WDFY3: variants seen among roughly 807,000 people sequenced by gnomAD.
WDFY3 encodes WD repeat and FYVE domain-containing protein 3.
A neutral mutation model predicts 409.6 loss-of-function variants in WDFY3; 66 were observed. That is an observed-to-expected ratio of 0.16 (90% CI 0.13 to 0.20). The LOEUF is 0.20. Ranked by LOEUF, WDFY3 falls within the 10% of genes least tolerant of loss-of-function variation. WDFY3 has a pLI of 1.00. For missense variants in WDFY3, 3,031 were observed against 4,298.1 expected (o/e 0.71, Z 8.24); for synonymous variants, 1,521 against 1,537.1 (o/e 0.99, Z 0.25).
intron 2 of WDFY3, among the ~76,000 whole-genome samples, chr4:84,910,550 A>G (rs1767622395): frequency 6.6e-6 from 1 of 152,174 alleles, no homozygotes; most frequent in Admixed American, 6.5e-5. Context: ...GAGAGCCAAG[A>G]CTATTCAATG....
rs903112274 is a variant in WDFY3 at position 84,724,614 on chromosome 4, A to C, written c.7273-20T>G. On this transcript the variant is annotated intron_variant, in intron 45 of 67. Coordinates refer to ENST00000295888, the MANE Select transcript of WDFY3 (RefSeq NM_014991.6). ...AGGTTTCTAAGAAATGACAAAAGAA[A>C]ATGACTCCGATAACTATCACCAAGA... is the stretch of plus-strand genomic sequence containing the variant. The C allele has an allele frequency of 5.6e-6, 9 of 1,605,072 alleles. No homozygotes were observed. The Admixed American group carries it at 1.5e-4, about 27-fold the overall frequency.
At chr4:84,801,969 C>T (rs896271612) in intron 16 of WDFY3, 105 bp from the exon 17 acceptor site, 22 of 1,051,222 alleles carry the variant, frequency 2.1e-5, no homozygotes, top group Admixed American at 7.6e-5. Flanking sequence ...TTTTTTGAGA[C>T]GGAGTTTCGC....
intron 54 of WDFY3, 128 bp downstream of exon 54, chr4:84,705,265 TG>T: frequency 1.4e-6 from 1 of 712,244 alleles, no homozygotes; most frequent in Non-Finnish European, 2.4e-6. Flanking sequence ...CATATATGTG[TG>T]GACATATAAT....
intron 5 of WDFY3, among the ~76,000 whole-genome samples, chr4:84,843,277 A>G (rs915373498): frequency 6.6e-6 from 1 of 152,248 alleles, no homozygotes; most frequent in African/African-American, 2.4e-5. Flanking sequence ...ATCTTTACAT[A>G]ACAAATATAT....
chr4:84,895,480 C>T (rs117851858), intron 3 of WDFY3, among the ~76,000 whole-genome samples: 1 of 152,064 alleles, frequency 6.6e-6, no homozygotes. Context: ...GCACAAGATA[C>T]GCTGCTGGGT....
chr4:84,957,070 T>C (rs1352541087), intron 1 of WDFY3, among the ~76,000 whole-genome samples: 1 of 151,526 alleles, frequency 6.6e-6, no homozygotes. Context: ...AATGTGCTTA[T>C]TTAATAGTGA....
At chr4:84,838,906 T>C (rs1424797903) in intron 6 of WDFY3, among the ~76,000 whole-genome samples, 1 of 152,066 alleles carries the variant, frequency 6.6e-6, no homozygotes, top group Non-Finnish European at 1.5e-5. Flanking sequence ...CTTTTTCTGC[T>C]TCATCTCTTA....
Position 84,836,937 on chromosome 4 carries a change from A to G in WDFY3, c.568T>C (p.Phe190Leu). The G allele has an allele frequency of 6.3e-7, 1 of 1,578,708 alleles. No homozygotes were observed. Among genetic ancestry groups the G allele is most frequent in the Non-Finnish European group, 8.6e-7 (1 of 1,162,388 alleles). The change falls in exon 7 of 68, where the codon TTT becomes CTT. Residue 190 changes from phenylalanine to leucine, a missense_variant. By Grantham distance (22) the Phe-to-Leu change is conservative (BLOSUM62 0). Around this residue, in one of 16 missense-constraint regions of WDFY3, gnomAD observed 1,322 missense variants for 1,697.9 expected, o/e 0.78. Transcript: ENST00000295888. ...AATAGCACCTTTCATACCTGTACAA[A>G]AACTTTCTGGAGTAGTCCTCGACGT... ...AERRGLLQKV[F>L]VQILVKLCSF... is the part of the protein sequence containing the mutation.
At chr4:84,739,594 A>G (rs1228142236) in intron 39 of WDFY3, among the ~76,000 whole-genome samples, 1 of 151,878 alleles carries the variant, frequency 6.6e-6, no homozygotes. Flanking sequence ...GTCCTCCCCA[A>G]CCAGGTCTCA....
At chr4:84,804,769 A>G (rs1211529249) in intron 15 of WDFY3, among the ~76,000 whole-genome samples, 1 of 152,206 alleles carries the variant, frequency 6.6e-6, no homozygotes, top group Non-Finnish European at 1.5e-5. Context: ...AATTTCATTA[A>G]ACATGTTTTC....
intron 1 of WDFY3, among the ~76,000 whole-genome samples, chr4:84,950,434 C>T (rs1157142966): frequency 6.6e-6 from 1 of 151,498 alleles, no homozygotes; most frequent in Admixed American, 6.6e-5. Context: ...AAAAAGGTTA[C>T]ATTATTTAAT....
Position 84,677,255 on chromosome 4 carries a change from A to G in WDFY3, c.10401T>C (p.Phe3467=). ...AATGGTGTCGTCTTTCTGTGAGTGA[A>G]AACCTCACCGAGCAGCCTGAGCAGC... The part of the protein sequence containing the change: ...GDSCSGCSVR[F]SLTERRHHCR... Residue 3467 remains phenylalanine, a synonymous_variant, in exon 67 of 68, where the codon TTT becomes TTC. Transcript: ENST00000295888. The G allele has an allele frequency of 6.2e-7, 1 of 1,614,220 alleles. No individual in the cohort carries two copies. Among genetic ancestry groups the G allele is most frequent in the Non-Finnish European group, 8.5e-7 (1 of 1,180,042 alleles).
rs758098789 is a variant in WDFY3, at chr4:84,733,580, T to C, written c.7023A>G (p.Thr2341=). ...CGCACTCGATCTGACACCACTCTTC[T>C]GTCACGTACTTCAGGGCATTCTGCT... ...ERQQNALKYV[T]EEWCQIECEL... The change falls in exon 44 of 68, where the codon ACA becomes ACG. Residue 2341 remains threonine (T), a synonymous_variant. Coordinates refer to ENST00000295888, the MANE Select transcript of WDFY3 (RefSeq NM_014991.6). 5 of 1,613,826 alleles carry C rather than the reference T, an allele frequency of 3.1e-6. No homozygotes were observed. The highest frequency in any genetic ancestry group is 4.2e-6 in the Non-Finnish European group (5 of 1,179,884).
chr4:84,733,647 G>T, intron 43 of WDFY3, 38 bp from the exon 44 acceptor site: 1 of 1,564,976 alleles, frequency 6.4e-7, no homozygotes, highest in Non-Finnish European at 8.7e-7. Flanking sequence ...TCAAGCAAAA[G>T]CAGGAGTAAC....
At chr4:84,696,353 A>G (rs1008368394) in intron 57 of WDFY3, among the ~76,000 whole-genome samples, 171 bp from the exon 58 acceptor site, 5 of 152,230 alleles carry the variant, frequency 3.3e-5, no homozygotes, top group Admixed American at 1.3e-4. Context: ...AGTTACCTGC[A>G]GTAAACCATG....
intron 5 of WDFY3, among the ~76,000 whole-genome samples, chr4:84,848,763 C>CCA (rs1284964806): frequency 6.6e-6 from 1 of 152,112 alleles, no homozygotes; most frequent in Admixed American, 6.5e-5. Flanking sequence ...TAAACGTAAA[C>CCA]CACAGCTGTG....
intron 32 of WDFY3, among the ~76,000 whole-genome samples, chr4:84,758,573 C>T (rs997386070): frequency 1.3e-5 from 2 of 152,058 alleles, no homozygotes; most frequent in African/African-American, 4.8e-5. Flanking sequence ...TTTTCAACTT[C>T]TTTTTTTCTG....
At chr4:84,833,919 A>G (rs1359603261) in intron 7 of WDFY3, among the ~76,000 whole-genome samples, 1 of 152,236 alleles carries the variant, frequency 6.6e-6, no homozygotes, top group East Asian at 1.9e-4. Flanking sequence ...TAAAAACAAT[A>G]AAATATTTAT....
At chr4:84,900,783 T>G (rs2150610842) in intron 2 of WDFY3, among the ~76,000 whole-genome samples, 1 of 152,356 alleles carries the variant, frequency 6.6e-6, no homozygotes, top group African/African-American at 2.4e-5. Context: ...TCTGCACATG[T>G]ATCAAAACCC....
Sources: allele counts gnomAD v4.1 joint callset (sites outside exome capture counted in the v4.1 genomes callset), GRCh38; gene constraint gnomAD v4.1.1; regional missense constraint gnomAD v4.1.1; transcripts MANE v1.5; gene names NCBI Gene and HGNC (gene_info 2026-07-23, HGNC 2026-07-21).